The following DPF2 variants were observed in gnomAD, a reference collection of about 807,000 sequenced individuals.
DPF2 encodes the protein double PHD fingers 2, also known as zinc finger protein ubi-d4.
Under a neutral mutation model 59.6 loss-of-function variants are expected in DPF2, and 10 were observed. That is an observed-to-expected ratio of 0.17 (90% CI 0.10 to 0.28). The LOEUF (loss-of-function observed/expected upper bound fraction) is 0.28, where lower values mean the gene tolerates loss of function less well. Ranked by LOEUF, DPF2 falls within the 10% of genes least tolerant of loss-of-function variation. The pLI, the probability that DPF2 is intolerant of heterozygous loss-of-function variation, is 1.00. For missense variants in DPF2, 315 were observed against 509.4 expected (o/e 0.62, Z 3.67); for synonymous variants, 189 against 190.6 (o/e 0.99, Z 0.07).
chr11:65,342,487 CTT>C (rs919562340), intron 4 of DPF2, among the ~76,000 whole-genome samples: 1 of 152,146 alleles, frequency 6.6e-6, no homozygotes, highest in African/African-American at 2.4e-5. Context: ...GTGCTTTACT[CTT>C]TTATCACAAA....
At chr11:65,336,436 G>A (rs189071111) in intron 1 of DPF2, among the ~76,000 whole-genome samples, 70 of 152,058 alleles carry the variant, frequency 4.6e-4, no homozygotes, top group African/African-American at 1.1e-3. Context: ...AGGTTGAAGT[G>A]AGCTGATATC....
In DPF2 at chr11:65,346,371, C is replaced by T. The variant is rs201989932; in HGVS notation, c.1017+12C>T. On this transcript the variant is annotated intron_variant, in intron 9 of 10. Transcript: ENST00000528416. ...CCTCCGAGAATGACGTGTGTATCCC[C>T]GCCCCCTCCTCAGCATGGCTCCTTC... The T allele has an allele frequency of 5.3e-5, 85 of 1,607,766 alleles. No individual in the cohort carries two copies. Among genetic ancestry groups the T allele is most frequent in the Admixed American group, 1.0e-4 (6 of 59,836 alleles).
Position 65,345,749 on chromosome 11 carries a change from A to C in DPF2, c.721A>C (p.Lys241Gln). 1.9e-6 allele frequency: 3 copies of C among 1,614,174 alleles called. No individual in the cohort carries two copies. The highest frequency in any genetic ancestry group is 2.5e-6 in the Non-Finnish European group (3 of 1,180,036). The change falls in exon 7 of 11, where the codon AAG becomes CAG. Residue 241 changes from lysine to glutamine, a missense_variant. Transcript: ENST00000528416. ...SHLAEEEGED[K>Q]EDSQPPTPVS... The stretch of plus-strand genomic sequence containing the variant: ...CTTGGCTGAGGAGGAGGGCGAGGAC[A>C]AGGAAGACTCTCAACCACCCACTCC...
At chr11:65,341,625 G>T (rs550036749) in intron 4 of DPF2, 63 bp downstream of exon 4, 1 of 1,597,806 alleles carries the variant, frequency 6.3e-7, no homozygotes, top group Non-Finnish European at 8.6e-7. Context: ...TTCACTGGGG[G>T]CCACCTAGTT....
Position 65,351,667 on chromosome 11 carries a change from T to C in DPF2, c.1100-16T>C. 2 of 1,613,720 alleles carry C rather than the reference T, an allele frequency of 1.2e-6. No individual in the cohort carries two copies. Among genetic ancestry groups the C allele is most frequent in the Admixed American group, 3.3e-5 (2 of 59,988 alleles). Reference sequence around the variant, plus strand: ...TTGTGTGGGACCCATCCTGACCCCATTTTGCCTCTCTGCAGGAAGTTGGAG... The same window carrying C: ...TTGTGTGGGACCCATCCTGACCCCACTTTGCCTCTCTGCAGGAAGTTGGAG... On this transcript the variant is annotated splice_polypyrimidine_tract_variant and intron_variant, in intron 10 of 10. Coordinates refer to ENST00000528416, the MANE Select transcript of DPF2 (RefSeq NM_006268.5).
Position 65,341,579 on chromosome 11 carries a change from G to C in DPF2, c.465+17G>C. ...GCGCGAAAGGTACAGGATTATCCCT[G>C]TGGCTAAGGGAGCTTTGATGGAAAT... On this transcript the variant is annotated intron_variant, in intron 4 of 10. Transcript: ENST00000528416. 6.2e-7 allele frequency: 1 copy of C among 1,610,132 alleles called. No homozygotes were observed. The highest frequency in any genetic ancestry group is 8.5e-7 in the Non-Finnish European group (1 of 1,176,618).
intron 10 of DPF2, among the ~76,000 whole-genome samples, chr11:65,349,454 C>T (rs184637094): frequency 2.0e-5 from 3 of 152,306 alleles, no homozygotes; most frequent in Admixed American, 2.0e-4. Context: ...TGCATCTCCA[C>T]AAGTCCCCTT....
At chr11:65,341,699 G>A (rs543588439) in intron 4 of DPF2, 137 bp downstream of exon 4, 15 of 1,210,630 alleles carry the variant, frequency 1.2e-5, no homozygotes, top group Non-Finnish European at 1.7e-5. Flanking sequence ...TCTTACTTCA[G>A]TCCCTGATTA....
At chr11:65,350,465 C>T (rs1854663559) in intron 10 of DPF2, among the ~76,000 whole-genome samples, 1 of 146,882 alleles carries the variant, frequency 6.8e-6, no homozygotes, top group Non-Finnish European at 1.5e-5. Context: ...ACCTCTGCTT[C>T]CCCGGGCTCA....
chr11:65,333,983 G>T, intron 1 of DPF2, 65 bp downstream of exon 1: 4 of 1,590,208 alleles, frequency 2.5e-6, no homozygotes, highest in Non-Finnish European at 3.4e-6. Flanking sequence ...AGTAGGGGGC[G>T]GTGGGGGAAG....
rs1854540061 is a variant in DPF2 at position 65,346,646 on chromosome 11, A to ACATC, written c.1017+287_1017+288insCATC. 5 of 336,902 alleles carry ACATC rather than the reference A, an allele frequency of 1.5e-5. No homozygotes were observed. In the Admixed American group the frequency reaches 2.3e-4, roughly 15 times the overall value. 20.9% of individuals were successfully genotyped at this position (336,902 alleles called of 1,614,324 possible). A position where few individuals can be genotyped will look rare whatever the true frequency, so the allele number is the denominator to read the frequency against. On this transcript the variant is annotated intron_variant, in intron 9 of 10. Coordinates refer to ENST00000528416, the MANE Select transcript of DPF2 (RefSeq NM_006268.5). ...CAGGAACAACAATAAGCAAGGATGT[A>ACATC]AATGAGATTTGTATAATGTGCCATG... is the stretch of plus-strand genomic sequence containing the variant.
intron 6 of DPF2, chr11:65,344,782 G>T (rs1854479527): frequency 1.3e-6 from 1 of 770,942 alleles, no homozygotes; most frequent in African/African-American, 1.8e-5. Context: ...ACTCCTCAAA[G>T]TCCTGAAGGC....
intron 1 of DPF2, among the ~76,000 whole-genome samples, chr11:65,337,466 AAAAAAAAAAT>A (rs1364576561): frequency 1.2e-4 from 8 of 68,662 alleles, no homozygotes; most frequent in African/African-American, 3.3e-4. Flanking sequence ...AAAAAAAAAA[AAAAAAAAAAT>A]ATATATATAT....
chr11:65,353,499 G>A lies in DPF2; in HGVS notation c.*1740G>A, dbSNP rs1184053237. ...CTGCAGCGCTCCCAGGCCAGAGCAA[G>A]TGCTCTAGGATCTGAACTGCCCGCA... is the stretch of plus-strand genomic sequence containing the variant. On this transcript the variant is annotated 3_prime_UTR_variant, in exon 11 of 11. Transcript: ENST00000528416. Among the ~76,000 whole-genome samples the A allele has an allele frequency of 6.6e-6, 1 of 152,240 alleles. No individual in the cohort carries two copies. Among genetic ancestry groups the A allele is most frequent in the Non-Finnish European group, 1.5e-5 (1 of 68,038 alleles).
At chr11:65,346,626 A>G (rs1171461740) in intron 9 of DPF2, 2 of 394,728 alleles carry the variant, frequency 5.1e-6, no homozygotes, top group Non-Finnish European at 9.1e-6. Context: ...TCTTACAGGA[A>G]CAACAATAAG....
intron 6 of DPF2, chr11:65,344,346 G>A (rs1212999393): frequency 4.9e-6 from 3 of 610,532 alleles, no homozygotes; most frequent in Non-Finnish European, 8.6e-6. Context: ...TCAACAGATG[G>A]CCTGCAGGTC....
At chr11:65,339,404 C>T (rs1348464778) in intron 1 of DPF2, among the ~76,000 whole-genome samples, 2 of 152,126 alleles carry the variant, frequency 1.3e-5, no homozygotes, top group South Asian at 2.1e-4. Flanking sequence ...TCCAGTTTTC[C>T]ACTTAAAGAT....
At chr11:65,337,932 G>A (rs770132557) in intron 1 of DPF2, among the ~76,000 whole-genome samples, 148 of 152,022 alleles carry the variant, frequency 9.7e-4, no homozygotes, top group Non-Finnish European at 1.8e-3. Context: ...AGCCTCCCCC[G>A]TAGCTGGGAT....
intron 9 of DPF2, chr11:65,348,571 CCT>C (rs758382756): frequency 1.1e-4 from 42 of 371,874 alleles, no homozygotes; most frequent in Admixed American, 2.1e-4. Flanking sequence ...ACAGCAATAC[CCT>C]GTCTCAAAAA....
Sources: gnomAD v4.1 joint callset for allele counts (sites outside exome capture counted in the v4.1 genomes callset) on GRCh38, gnomAD v4.1.1 for gene constraint, MANE v1.5 for transcripts, NCBI Gene and HGNC (gene_info 2026-07-23, HGNC 2026-07-21) for gene names.